Variants in SPMAP2L observed in about 807,000 individuals in gnomAD.
SPMAP2L encodes the protein sperm microtubule associated protein 2-like.
At chr4:56,559,768 T>G in the SPMAP2L span, among the ~76,000 whole-genome samples, 1 of 152,066 alleles carries the variant, frequency 6.6e-6, no homozygotes, top group Non-Finnish European at 1.5e-5. Context: ...AGGGTTTCAC[T>G]ATGTTGGCCA....
At chr4:56,623,861 A>T in the SPMAP2L span, among the ~76,000 whole-genome samples, 1 of 152,220 alleles carries the variant, frequency 6.6e-6, no homozygotes, top group African/African-American at 2.4e-5. Flanking sequence ...TATCAGCAGC[A>T]TGAAAACAGA....
chr4:56,566,695 CTT>C, the SPMAP2L span, among the ~76,000 whole-genome samples: 1,505 of 92,340 alleles, frequency 0.016, 18 homozygotes, highest in African/African-American at 0.052. Flanking sequence ...TTTTCTTTTT[CTT>C]TTTTTTTTTT....
At chr4:56,619,702 A>T in the SPMAP2L span, among the ~76,000 whole-genome samples, 1 of 152,208 alleles carries the variant, frequency 6.6e-6, no homozygotes, top group Admixed American at 6.5e-5. Flanking sequence ...TAGGCAACAA[A>T]ACTAAAAAAT....
chr4:56,599,119 A>C, the SPMAP2L span, among the ~76,000 whole-genome samples: 1 of 151,992 alleles, frequency 6.6e-6, no homozygotes, highest in Non-Finnish European at 1.5e-5. Flanking sequence ...ATATTTCTTC[A>C]TAGCAGTGTG....
At chr4:56,532,028 C>T in the SPMAP2L span, among the ~76,000 whole-genome samples, 1 of 152,222 alleles carries the variant, frequency 6.6e-6, no homozygotes, top group South Asian at 2.1e-4. Flanking sequence ...TCGCTTCCTA[C>T]ACCTCAGCAG....
chr4:56,551,731 G>A, the SPMAP2L span, among the ~76,000 whole-genome samples: 6 of 152,072 alleles, frequency 3.9e-5, no homozygotes. Context: ...GCATAGGATA[G>A]ACAATGCTAC....
the SPMAP2L span, among the ~76,000 whole-genome samples, chr4:56,532,691 C>T: frequency 6.6e-6 from 1 of 152,182 alleles, no homozygotes; most frequent in Non-Finnish European, 1.5e-5. Context: ...GGTTAGGCTT[C>T]TTTCCTCTAC....
At chr4:56,560,801 A>C in the SPMAP2L span, among the ~76,000 whole-genome samples, 1 of 152,140 alleles carries the variant, frequency 6.6e-6, no homozygotes, top group Non-Finnish European at 1.5e-5. Context: ...GCTGGAGTGC[A>C]GTGGCCTGAT....
chr4:56,617,906 C>T, the SPMAP2L span, among the ~76,000 whole-genome samples: 1 of 152,168 alleles, frequency 6.6e-6, no homozygotes, highest in South Asian at 2.1e-4. Flanking sequence ...ATTCTGCGTC[C>T]TTCTGCTGGT....
the SPMAP2L span, among the ~76,000 whole-genome samples, chr4:56,624,082 C>A: frequency 6.6e-6 from 1 of 152,146 alleles, no homozygotes; most frequent in Non-Finnish European, 1.5e-5. Flanking sequence ...CAATGAAATC[C>A]AGGCTGAAGT....
chr4:56,600,897 T>A, the SPMAP2L span: 6 of 1,512,094 alleles, frequency 4.0e-6, no homozygotes, highest in Non-Finnish European at 5.3e-6. Context: ...ATGTAAAATT[T>A]GGGATATATT....
At chr4:56,621,888 A>G in the SPMAP2L span, among the ~76,000 whole-genome samples, 1 of 152,152 alleles carries the variant, frequency 6.6e-6, no homozygotes. Context: ...CGGTGAAATT[A>G]CTCTGTGTGA....
chr4:56,572,444 A>G, the SPMAP2L span, among the ~76,000 whole-genome samples: 1 of 152,196 alleles, frequency 6.6e-6, no homozygotes, highest in Non-Finnish European at 1.5e-5. Flanking sequence ...CTTGACATAG[A>G]GAACAAGCTG....
At chr4:56,542,185 T>C in the SPMAP2L span, among the ~76,000 whole-genome samples, 3 of 152,246 alleles carry the variant, frequency 2.0e-5, no homozygotes, top group Non-Finnish European at 2.9e-5. Flanking sequence ...AACCCTTCCT[T>C]ACTGGAGAAG....
chr4:56,587,477 T>C, the SPMAP2L span, among the ~76,000 whole-genome samples: 2 of 134,592 alleles, frequency 1.5e-5, no homozygotes, highest in Non-Finnish European at 1.6e-5. Context: ...CCTCCCACTC[T>C]TCCCCCCCAA....
At chr4:56,576,245 G>A in the SPMAP2L span, among the ~76,000 whole-genome samples, 1 of 152,160 alleles carries the variant, frequency 6.6e-6, no homozygotes, top group Non-Finnish European at 1.5e-5. Context: ...CAGAAGGTGG[G>A]AAATGAGATA....
At chr4:56,558,025 G>A in the SPMAP2L span, among the ~76,000 whole-genome samples, 1 of 151,830 alleles carries the variant, frequency 6.6e-6, no homozygotes, top group East Asian at 1.9e-4. Flanking sequence ...CTGGAGTGCA[G>A]TAGTACGTTC....
chr4:56,589,112 C>A, the SPMAP2L span, among the ~76,000 whole-genome samples: 1 of 152,078 alleles, frequency 6.6e-6, no homozygotes, highest in African/African-American at 2.4e-5. Flanking sequence ...CTTCAGCCTC[C>A]TGAGTAGTTG....
the SPMAP2L span, among the ~76,000 whole-genome samples, chr4:56,605,727 C>A: frequency 1.3e-5 from 2 of 151,858 alleles, no homozygotes; most frequent in African/African-American, 4.9e-5. Flanking sequence ...GTAAACAGAT[C>A]CTCAGCATTT....
Sources: gnomAD v4.1 joint callset for allele counts (sites outside exome capture counted in the v4.1 genomes callset) on GRCh38, gnomAD v4.1.1 for gene constraint, MANE v1.5 for transcripts, NCBI Gene and HGNC (gene_info 2026-07-23, HGNC 2026-07-21) for gene names.